Variants in DCLK3 observed in about 807,000 individuals in gnomAD.
DCLK3 encodes serine/threonine-protein kinase DCLK3.
In DCLK3, 30 loss-of-function variants were observed where a neutral mutation model predicts 46.4. The ratio of observed to expected loss-of-function variants is 0.65; its 90% CI spans 0.48 to 0.88. DCLK3 has a LOEUF of 0.88. Ranked by LOEUF, DCLK3 falls within the 40% of genes least tolerant of loss-of-function variation. The probability of loss-of-function intolerance (pLI) is 0.00; values close to 1 mark genes in which losing one functional copy is unlikely to be tolerated. For missense variants in DCLK3, 846 were observed against 907.1 expected (o/e 0.93, Z 0.87); for synonymous variants, 401 against 339.2 (o/e 1.18, Z -2.00).
At chr3:36,715,966 A>C (rs1481137159) in intron 4 of DCLK3, among the ~76,000 whole-genome samples, 1 of 152,228 alleles carries the variant, frequency 6.6e-6, no homozygotes, top group Non-Finnish European at 1.5e-5. Context: ...ACATACTTTA[A>C]GGTTTCAAAT....
chr3:36,719,181 T>C (rs1299405124), intron 3 of DCLK3, among the ~76,000 whole-genome samples: 2 of 152,176 alleles, frequency 1.3e-5, no homozygotes, highest in Non-Finnish European at 2.9e-5. Flanking sequence ...CTTCCAGCAA[T>C]GAAATAGACA....
In DCLK3 at chr3:36,714,200, T is replaced by C. The variant is rs1327317078; in HGVS notation, c.*1128A>G. On this transcript the variant is annotated 3_prime_UTR_variant, in exon 5 of 5. Coordinates refer to ENST00000636136, the MANE Select transcript of DCLK3 (RefSeq NM_001394672.2). ...TGATTAAGCAATTCCTTATGTTGAA[T>C]TCTCTAGTACTATTCCGGTTTTCCT... The C allele has an allele frequency of 6.6e-6, 1 of 152,230 alleles. No individual in the cohort carries two copies. The highest frequency in any genetic ancestry group is 1.5e-5 in the Non-Finnish European group (1 of 68,054). 9.4% of individuals were successfully genotyped at this position (152,230 alleles called of 1,614,324 possible).
Position 36,715,088 on chromosome 3 carries a change from G to A in DCLK3, c.*240C>T, listed in dbSNP as rs1700957847. ...ATCATTATTACCAAAATTCCTCACTGATGACAATGCTTACCCCCCAAAAAT... is the reference window on the plus strand; with the variant it reads ...ATCATTATTACCAAAATTCCTCACTAATGACAATGCTTACCCCCCAAAAAT... On this transcript the variant is annotated 3_prime_UTR_variant, in exon 5 of 5. Transcript: ENST00000636136. 4.2e-6 allele frequency: 2 copies of A among 481,338 alleles called. No individual in the cohort carries two copies. The highest frequency in any genetic ancestry group is 5.7e-5 in the South Asian group (2 of 35,102). The allele number at this position is 481,338 out of a possible 1,614,324, so 29.8% of individuals were successfully genotyped here.
At position 36,752,233 on chromosome 3, in the gene DCLK3, C is replaced by A. The variant is rs75747812; in HGVS notation, c.82+11949G>T. ...GTGGGGAGGGGTACCAAAGACCCAG[C>A]CTTTACCCCATGGTGGGACAATCCA... On this transcript the variant is annotated intron_variant, in intron 1 of 4. Transcript: ENST00000636136. Among the ~76,000 whole-genome samples the A allele has an allele frequency of 5.7e-3, 872 of 152,318 alleles. 7 individuals are homozygous for A. Among genetic ancestry groups the A allele is most frequent in the African/African-American group, 0.02 (830 of 41,566 alleles).
intron 1 of DCLK3, among the ~76,000 whole-genome samples, chr3:36,744,380 T>G (rs1274819836): frequency 6.6e-6 from 1 of 152,230 alleles, no homozygotes; most frequent in African/African-American, 2.4e-5. Flanking sequence ...ACAGGAAATT[T>G]GACAAAGTAG....
intron 2 of DCLK3, among the ~76,000 whole-genome samples, chr3:36,735,592 T>C (rs1559390175): frequency 1.3e-5 from 2 of 152,148 alleles, no homozygotes; most frequent in South Asian, 2.1e-4. Context: ...TTTACAGCCA[T>C]GGAAATTAAA....
At chr3:36,740,377 A>G (rs1201739194) in intron 1 of DCLK3, among the ~76,000 whole-genome samples, 2 of 152,174 alleles carry the variant, frequency 1.3e-5, no homozygotes, top group East Asian at 3.8e-4. Flanking sequence ...TTCTGGCATC[A>G]CAAGAACTCA....
intron 3 of DCLK3, among the ~76,000 whole-genome samples, chr3:36,721,322 T>C (rs184824818): frequency 2.0e-5 from 3 of 152,026 alleles, no homozygotes; most frequent in Admixed American, 1.3e-4. Flanking sequence ...CACTGATCCA[T>C]TGACTGTAAC....
Position 36,733,886 on chromosome 3 carries a change from C to T in DCLK3, c.1959+3322G>A, listed in dbSNP as rs948430514. Among the ~76,000 whole-genome samples the T allele has an allele frequency of 7.9e-5, 12 of 152,296 alleles. 1 individual carries two copies. In the South Asian group the frequency reaches 1.9e-3, roughly 24 times the overall value. On this transcript the variant is annotated intron_variant, in intron 2 of 4. Coordinates refer to ENST00000636136, the MANE Select transcript of DCLK3 (RefSeq NM_001394672.2). ...GAAAGCTTACTATATTCATTAGGAGCTTTTAGCACATACAGATAGTCTCTA... is the reference window on the plus strand; with the variant it reads ...GAAAGCTTACTATATTCATTAGGAGTTTTTAGCACATACAGATAGTCTCTA...
intron 1 of DCLK3, among the ~76,000 whole-genome samples, chr3:36,762,162 G>A (rs887260553): frequency 2.1e-4 from 32 of 152,160 alleles, no homozygotes; most frequent in Admixed American, 1.3e-4. Flanking sequence ...CTGCCAATCC[G>A]TTGCCTGGGC....
intron 2 of DCLK3, among the ~76,000 whole-genome samples, chr3:36,727,833 G>A (rs541150636): frequency 3.9e-5 from 6 of 152,256 alleles, no homozygotes; most frequent in South Asian, 4.1e-4. Flanking sequence ...ATTTAAGGTC[G>A]CACACTGTCT....
intron 3 of DCLK3, among the ~76,000 whole-genome samples, chr3:36,719,140 T>C (rs1701025558): frequency 6.6e-6 from 1 of 152,228 alleles, no homozygotes; most frequent in South Asian, 2.1e-4. Context: ...TAAATATTTG[T>C]GCACATGTCT....
At chr3:36,760,964 T>C (rs1417544837) in intron 1 of DCLK3, among the ~76,000 whole-genome samples, 2 of 152,140 alleles carry the variant, frequency 1.3e-5, no homozygotes, top group African/African-American at 4.8e-5. Context: ...ATCACATGGG[T>C]TTGAGGGGCC....
At chr3:36,742,500 T>C (rs1701353693) in intron 1 of DCLK3, among the ~76,000 whole-genome samples, 1 of 152,190 alleles carries the variant, frequency 6.6e-6, no homozygotes, top group Non-Finnish European at 1.5e-5. Flanking sequence ...ACATCAGACA[T>C]GCTCATTCCA....
At chr3:36,723,367 T>C (rs1701085210) in intron 2 of DCLK3, among the ~76,000 whole-genome samples, 1 of 151,966 alleles carries the variant, frequency 6.6e-6, no homozygotes, top group African/African-American at 2.4e-5. Flanking sequence ...GAAAAGAAAA[T>C]CCCATTTTCC....
Position 36,715,384 on chromosome 3 carries a change from TG to T in DCLK3, c.2397del (p.Ser800AlafsTer41), listed in dbSNP as rs766029704. The T allele has an allele frequency of 2.5e-6, 4 of 1,614,170 alleles. No homozygotes were observed. Among genetic ancestry groups the T allele is most frequent in the Non-Finnish European group, 3.4e-6 (4 of 1,180,022 alleles). ...TGGCTCCGGAAGTGACCCTCGCTGC[TG>T]GGGGACACCTGCTTCTGTCGTTTCA... ...NTVKRQKQVS[P>X]SSEGHFRSQH... is the part of the protein sequence containing the mutation. On this transcript the variant is annotated frameshift_variant, in exon 5 of 5. Coordinates refer to ENST00000636136, the MANE Select transcript of DCLK3 (RefSeq NM_001394672.2). LOFTEE classifies it high-confidence loss of function.
chr3:36,721,629 A>T lies in DCLK3; in HGVS notation c.1990T>A (p.Leu664Met), dbSNP rs1701059099. The change falls in exon 3 of 5, where the codon TTG (leucine) becomes ATG (methionine). Residue 664 changes from leucine to methionine, a missense_variant. Leu to Met is a conservative substitution (Grantham distance 15). This residue lies in a region of DCLK3 where 247 missense variants were observed against 322.8 expected (regional missense o/e 0.77). Coordinates refer to ENST00000636136, the MANE Select transcript of DCLK3 (RefSeq NM_001394672.2). ...GCAAGTCCAAAATCAGCCAATTTCA[A>T]GGTAGTAGATTTGTCCTCATTTCGC... Reference protein sequence around the residue: ...VQRNEDKSTTLKLADFGLAKH... With the variant: ...VQRNEDKSTTMKLADFGLAKH... The T allele has an allele frequency of 6.2e-7, 1 of 1,614,082 alleles. No individual in the cohort carries two copies. Among genetic ancestry groups the T allele is most frequent in the South Asian group, 1.1e-5 (1 of 91,092 alleles).
chr3:36,747,443 T>C (rs982104349), intron 1 of DCLK3, among the ~76,000 whole-genome samples: 5 of 151,824 alleles, frequency 3.3e-5, no homozygotes, highest in East Asian at 1.9e-4. Flanking sequence ...AAAAGGTATA[T>C]ATATATATTT....
chr3:36,752,579 T>C (rs1392750992), intron 1 of DCLK3, among the ~76,000 whole-genome samples: 4 of 152,184 alleles, frequency 2.6e-5, no homozygotes, highest in Non-Finnish European at 5.9e-5. Context: ...GGCATATAAT[T>C]ACCCAGAGGT....
Sources: gnomAD v4.1 joint callset for allele counts (sites outside exome capture counted in the v4.1 genomes callset) on GRCh38, gnomAD v4.1.1 for gene constraint, gnomAD v4.1.1 regional missense constraint, MANE v1.5 for transcripts, NCBI Gene and HGNC (gene_info 2026-07-23, HGNC 2026-07-21) for gene names.